SREK1IP1: variants seen among roughly 807,000 people sequenced by gnomAD.
The protein encoded by SREK1IP1 is SREK1 interacting protein 1.
Under a neutral mutation model 22.8 loss-of-function variants are expected in SREK1IP1, and 12 were observed. The ratio of observed to expected loss-of-function variants is 0.53; its 90% CI spans 0.34 to 0.85. The LOEUF is 0.85. Among genes scored for constraint, SREK1IP1 ranks in the 40% least tolerant of loss-of-function variants. SREK1IP1 has a pLI of 0.02. For missense variants in SREK1IP1, 147 were observed against 171.8 expected (o/e 0.86, Z 0.81); for synonymous variants, 53 against 52.7 (o/e 1.01, Z -0.02).
At chr5:64,759,778 G>A (rs1361238375) in intron 1 of SREK1IP1, among the ~76,000 whole-genome samples, 1 of 152,122 alleles carries the variant, frequency 6.6e-6, no homozygotes, top group Non-Finnish European at 1.5e-5. Flanking sequence ...CAGGTAAAAT[G>A]TACACTAAAA....
Position 64,724,336 on chromosome 5 carries a change from G to A in SREK1IP1, c.*48C>T, listed in dbSNP as rs1312483502. 6 of 1,460,694 alleles carry A rather than the reference G, an allele frequency of 4.1e-6. No individual in the cohort carries two copies. Among genetic ancestry groups the A allele is most frequent in the Non-Finnish European group, 4.6e-6 (5 of 1,096,294 alleles). 90.5% of individuals were successfully genotyped at this position (1,460,694 alleles called of 1,614,324 possible). A position where few individuals can be genotyped will look rare whatever the true frequency, so the allele number is the denominator to read the frequency against. ...GCAAATTCCAAGGAAGGGCAAACAC[G>A]TTTTAAAAACAAATTTTTAAATTTA... On this transcript the variant is annotated 3_prime_UTR_variant, in exon 5 of 5. Coordinates refer to ENST00000513458, the MANE Select transcript of SREK1IP1 (RefSeq NM_173829.4).
At position 64,721,389 on chromosome 5, in the gene SREK1IP1, T is replaced by C. The variant is rs1742158674; in HGVS notation, c.*2995A>G. The C allele has an allele frequency of 6.6e-6, 1 of 152,172 alleles. No individual in the cohort carries two copies. The highest frequency in any genetic ancestry group is 2.1e-4 in the South Asian group (1 of 4,826). 9.4% of individuals were successfully genotyped at this position (152,172 alleles called of 1,614,324 possible). A position where few individuals can be genotyped will look rare whatever the true frequency, so the allele number is the denominator to read the frequency against. On this transcript the variant is annotated 3_prime_UTR_variant, in exon 5 of 5. Coordinates refer to ENST00000513458, the MANE Select transcript of SREK1IP1 (RefSeq NM_173829.4). ...CATTATTAACAACTCTTCAGCCTAG[T>C]TTACTCTGAAGGTAAACTAGGGTTA...
In SREK1IP1 at chr5:64,720,225, C is replaced by T. The variant is rs375396145; in HGVS notation, c.*4159G>A. On this transcript the variant is annotated 3_prime_UTR_variant, in exon 5 of 5. Transcript: ENST00000513458. ...ACCTAAAATACAATTAAGAACAAAA[C>T]ACATCTCAAAGTATGTACATGTACA... 1.3e-5 allele frequency: 2 copies of T among 150,528 alleles called. No individual in the cohort carries two copies. The highest frequency in any genetic ancestry group is 3.9e-4 in the East Asian group (2 of 5,192). The allele number at this position is 150,528 out of a possible 1,614,324, so 9.3% of individuals were successfully genotyped here.
Position 64,755,388 on chromosome 5 carries a change from C to T in SREK1IP1, c.14-1026G>A, listed in dbSNP as rs146848119. Among the ~76,000 whole-genome samples the T allele has an allele frequency of 2.5e-3, 379 of 152,174 alleles. 1 individual carries two copies. Among genetic ancestry groups the T allele is most frequent in the African/African-American group, 8.7e-3 (363 of 41,524 alleles). ...AATACTATGAAGCCATAAAAAAGAA[C>T]GAAATTACATCCTTTGCAGCAACAT... On this transcript the variant is annotated intron_variant, in intron 1 of 4. Coordinates refer to ENST00000513458, the MANE Select transcript of SREK1IP1 (RefSeq NM_173829.4).
At chr5:64,759,447 T>C (rs977545022) in intron 1 of SREK1IP1, among the ~76,000 whole-genome samples, 1 of 152,252 alleles carries the variant, frequency 6.6e-6, no homozygotes, top group South Asian at 2.1e-4. Context: ...TAATACAGTG[T>C]GCCCACCTCA....
At chr5:64,746,361 T>A (rs926616986) in intron 2 of SREK1IP1, among the ~76,000 whole-genome samples, 1 of 152,154 alleles carries the variant, frequency 6.6e-6, no homozygotes, top group African/African-American at 2.4e-5. Flanking sequence ...AAAAAATTGA[T>A]AAAATGGTCG....
chr5:64,738,500 C>T (rs188751732), intron 3 of SREK1IP1, among the ~76,000 whole-genome samples: 1 of 151,758 alleles, frequency 6.6e-6, no homozygotes, highest in Admixed American at 6.6e-5. Context: ...AAAATGTATA[C>T]GGAACCACAA....
rs1034917045 is a variant in SREK1IP1, at chr5:64,724,313, A to C, written c.*71T>G. 6 of 1,362,484 alleles carry C rather than the reference A, an allele frequency of 4.4e-6. No homozygotes were observed. In the African/African-American group the frequency reaches 7.4e-5, roughly 17 times the overall value. The allele number at this position is 1,362,484 out of a possible 1,614,324, so 84.4% of individuals were successfully genotyped here. The stretch of plus-strand genomic sequence containing the variant: ...TTTATTGCAAAGCATAATATATAGC[A>C]AATTCCAAGGAAGGGCAAACACGTT... On this transcript the variant is annotated 3_prime_UTR_variant, in exon 5 of 5. Coordinates refer to ENST00000513458, the MANE Select transcript of SREK1IP1 (RefSeq NM_173829.4).
chr5:64,761,327 T>C (rs985691019), intron 1 of SREK1IP1, among the ~76,000 whole-genome samples: 23 of 152,292 alleles, frequency 1.5e-4, no homozygotes, highest in African/African-American at 5.5e-4. Context: ...TACTTATTGA[T>C]TTGAGGTTAT....
chr5:64,768,622 C>G lies in SREK1IP1; in HGVS notation c.-105G>C. On this transcript the variant is annotated 5_prime_UTR_variant, in exon 1 of 5. Coordinates refer to ENST00000513458, the MANE Select transcript of SREK1IP1 (RefSeq NM_173829.4). ...AGTCAAAGCGGCGTTTTCCTTCCCC[C>G]AGCGCAGCAGCACCCTCGCTACGGT... The G allele has an allele frequency of 6.5e-7, 1 of 1,527,762 alleles. No homozygotes were observed. The highest frequency in any genetic ancestry group is 9.0e-7 in the Non-Finnish European group (1 of 1,107,784). The allele number at this position is 1,527,762 out of a possible 1,614,324, so 94.6% of individuals were successfully genotyped here. A position where few individuals can be genotyped will look rare whatever the true frequency, so the allele number is the denominator to read the frequency against.
At chr5:64,735,850 C>A (rs944184574) in intron 3 of SREK1IP1, among the ~76,000 whole-genome samples, 2 of 151,904 alleles carry the variant, frequency 1.3e-5, no homozygotes, top group Non-Finnish European at 2.9e-5. Flanking sequence ...GTTTTGTTTT[C>A]CATTTCATTG....
rs1292214255 is a variant in SREK1IP1, at chr5:64,721,628, T to C, written c.*2756A>G. 1 of 148,746 alleles carries C rather than the reference T, an allele frequency of 6.7e-6. No homozygotes were observed. Among genetic ancestry groups the C allele is most frequent in the African/African-American group, 2.5e-5 (1 of 40,308 alleles). 9.2% of individuals were successfully genotyped at this position (148,746 alleles called of 1,614,324 possible). On this transcript the variant is annotated 3_prime_UTR_variant, in exon 5 of 5. Transcript: ENST00000513458. ...GTGAGAAGGTCCATCAACCCAAAAATAATGGCCATAAAGTGCCAGATAATC... is the reference window on the plus strand; with the variant it reads ...GTGAGAAGGTCCATCAACCCAAAAACAATGGCCATAAAGTGCCAGATAATC...
chr5:64,754,959 A>G (rs1742812014), intron 1 of SREK1IP1, among the ~76,000 whole-genome samples: 1 of 152,180 alleles, frequency 6.6e-6, no homozygotes, highest in Non-Finnish European at 1.5e-5. Context: ...ACATAAAAAA[A>G]AGCTCCACAT....
rs1421490005 is a variant in SREK1IP1, at chr5:64,718,606, C to T, written c.*5778G>A. On this transcript the variant is annotated 3_prime_UTR_variant, in exon 5 of 5. Transcript: ENST00000513458. ...CAAAAAATCCTTTGCTGATATATTT[C>T]CTAAATAATCTGTATAATGAAAGCT... 1 of 151,948 alleles carries T rather than the reference C, an allele frequency of 6.6e-6. No homozygotes were observed. The highest frequency in any genetic ancestry group is 1.9e-4 in the East Asian group (1 of 5,196). The allele number at this position is 151,948 out of a possible 1,614,324, so 9.4% of individuals were successfully genotyped here. A position where few individuals can be genotyped will look rare whatever the true frequency, so the allele number is the denominator to read the frequency against.
chr5:64,731,108 A>C (rs1208814272), intron 3 of SREK1IP1, among the ~76,000 whole-genome samples: 3 of 152,170 alleles, frequency 2.0e-5, no homozygotes, highest in African/African-American at 7.2e-5. Flanking sequence ...AACAAGGTCC[A>C]GGGTGCAATC....
rs930878589 is a variant in SREK1IP1 at position 64,722,265 on chromosome 5, G to A, written c.*2119C>T. 7 of 151,998 alleles carry A rather than the reference G, an allele frequency of 4.6e-5. 1 individual carries two copies. In the East Asian group the frequency reaches 9.6e-4, roughly 21 times the overall value. The allele number at this position is 151,998 out of a possible 1,614,324, so 9.4% of individuals were successfully genotyped here. On this transcript the variant is annotated 3_prime_UTR_variant, in exon 5 of 5. Transcript: ENST00000513458. ...TAATTTGCATACTACATTAGTTAAC[G>A]AGGACTGACTTTTGCTCTTCTCAGT...
chr5:64,726,674 G>A (rs59881551), intron 4 of SREK1IP1, among the ~76,000 whole-genome samples: 1 of 151,896 alleles, frequency 6.6e-6, no homozygotes, highest in Non-Finnish European at 1.5e-5. Flanking sequence ...ACAAAATACA[G>A]CTAACCTACT....
At chr5:64,746,945 G>A (rs1391196941) in intron 2 of SREK1IP1, among the ~76,000 whole-genome samples, 1 of 152,166 alleles carries the variant, frequency 6.6e-6, no homozygotes, top group Non-Finnish European at 1.5e-5. Context: ...TGCTAGAAAG[G>A]CTCACAGAAC....
At chr5:64,744,997 T>G (rs1170299002) in intron 2 of SREK1IP1, among the ~76,000 whole-genome samples, 1 of 152,142 alleles carries the variant, frequency 6.6e-6, no homozygotes, top group Non-Finnish European at 1.5e-5. Context: ...TGACTTTACT[T>G]GAGGGGCTCC....
Sources: allele counts gnomAD v4.1 joint callset (sites outside exome capture counted in the v4.1 genomes callset), GRCh38; gene constraint gnomAD v4.1.1; transcripts MANE v1.5; gene names NCBI Gene and HGNC (gene_info 2026-07-23, HGNC 2026-07-21).